ZBTB47: variants seen among roughly 807,000 people sequenced by gnomAD.
The protein encoded by ZBTB47 is zinc finger and BTB domain containing 47.
In ZBTB47, 24 loss-of-function variants were observed where a neutral mutation model predicts 56.6. The observed-to-expected ratio is 0.42, with a 90% confidence interval of 0.31 to 0.60. ZBTB47 has a LOEUF of 0.60. ZBTB47 is among the 20% of genes least tolerant of loss of function. The probability of loss-of-function intolerance (pLI) is 0.14; values close to 1 mark genes in which losing one functional copy is unlikely to be tolerated. For synonymous variants in ZBTB47, 414 were observed against 418.9 expected, an observed-to-expected ratio of 0.99 and a Z score of 0.14; for missense variants, 829 against 1,032.6, an observed-to-expected ratio of 0.80 and a Z score of 2.70.
rs1710776358 is a variant in ZBTB47, at chr3:42,665,322, A to C, written c.*724A>C. ...GCAGGCCCAGGGATCCCTGACCTGC[A>C]CCAGGTGGCACCAAGGGTCCTGAGT... On this transcript the variant is annotated 3_prime_UTR_variant, in exon 6 of 6. Coordinates refer to ENST00000232974, the MANE Select transcript of ZBTB47 (RefSeq NM_145166.4). 1.3e-5 allele frequency: 2 copies of C among 152,662 alleles called. No individual in the cohort carries two copies. The highest frequency in any genetic ancestry group is 1.5e-5 in the Non-Finnish European group (1 of 68,104). The allele number at this position is 152,662 out of a possible 1,614,324, so 9.5% of individuals were successfully genotyped here.
intron 3 of ZBTB47, 67 bp downstream of exon 3, chr3:42,661,699 G>C: frequency 6.3e-7 from 1 of 1,581,118 alleles, no homozygotes; most frequent in Non-Finnish European, 8.6e-7. Context: ...CTGGTGGATG[G>C]GAAAGACTTC....
At position 42,666,844 on chromosome 3, in the gene ZBTB47, T is replaced by C. The variant is rs1003892269; in HGVS notation, c.*2246T>C. Among the ~76,000 whole-genome samples, 1 of 152,204 alleles carries C rather than the reference T, an allele frequency of 6.6e-6. No individual in the cohort carries two copies. The highest frequency in any genetic ancestry group is 2.4e-5 in the African/African-American group (1 of 41,462). On this transcript the variant is annotated 3_prime_UTR_variant, in exon 6 of 6. Coordinates refer to ENST00000232974, the MANE Select transcript of ZBTB47 (RefSeq NM_145166.4). ...GGGTCCAGACAGCTGACCAGACAGC[T>C]TGACAGCTGGTCAAGACGGTCACGG...
rs13069486 is a variant in ZBTB47, at chr3:42,654,949, G to C, written c.-82+1066G>C. On this transcript the variant is annotated intron_variant, in intron 1 of 5. Transcript: ENST00000232974. This position sits in a 1 kb window ranked among gnomAD's most constrained non-coding sequence, Gnocchi z 5.0. ...TGAGGTCTTGCTAGGCACCGGCGAA[G>C]GGGGGCGCTCCCCTGCGCCCGGACG... is the stretch of plus-strand genomic sequence containing the variant. Among the ~76,000 whole-genome samples the C allele has an allele frequency of 2.6e-5, 4 of 152,088 alleles. No individual in the cohort carries two copies. The highest frequency in any genetic ancestry group is 6.5e-5 in the Admixed American group (1 of 15,280).
Position 42,663,999 on chromosome 3 carries a change from C to G in ZBTB47, c.1882+58C>G, listed in dbSNP as rs892087302. On this transcript the variant is annotated intron_variant, in intron 5 of 5. Coordinates refer to ENST00000232974, the MANE Select transcript of ZBTB47 (RefSeq NM_145166.4). The surrounding 1 kb of genome is among the most constrained non-coding windows in gnomAD (Gnocchi z 5.1). ...CGGGCCTGGGACCCCTTCTCAGCCC[C>G]GCTCAGGACACCTGGAATAATCTTG... 7.7e-6 allele frequency: 12 copies of G among 1,552,398 alleles called. No individual in the cohort carries two copies. The highest frequency in any genetic ancestry group is 3.5e-6 in the Non-Finnish European group (4 of 1,145,714).
Position 42,659,276 on chromosome 3 carries a change from G to T in ZBTB47, c.921G>T (p.Glu307Asp). The change falls in exon 2 of 6, where the codon GAG becomes GAT. Residue 307 changes from glutamate (E) to aspartate (D), a missense_variant. Coordinates refer to ENST00000232974, the MANE Select transcript of ZBTB47 (RefSeq NM_145166.4). ...GACGGGAGGAGGAGGAGGAGGAAGAGGGTGGCAGTCAGGGAGAAGAGGAAG... is the reference window on the plus strand; with the variant it reads ...GACGGGAGGAGGAGGAGGAGGAAGATGGTGGCAGTCAGGGAGAAGAGGAAG... Reference protein sequence around the residue: ...GSGREEEEEEEGGSQGEEEEE... With the variant: ...GSGREEEEEEDGGSQGEEEEE... The T allele has an allele frequency of 2.0e-6, 3 of 1,512,434 alleles. No homozygotes were observed. Among genetic ancestry groups the T allele is most frequent in the Non-Finnish European group, 2.7e-6 (3 of 1,126,802 alleles). The allele number at this position is 1,512,434 out of a possible 1,614,324, so 93.7% of individuals were successfully genotyped here. A position where few individuals can be genotyped will look rare whatever the true frequency, so the allele number is the denominator to read the frequency against.
rs1031611153 is a variant in ZBTB47 at position 42,663,641 on chromosome 3, A to G, written c.1738-156A>G. Among the ~76,000 whole-genome samples the G allele has an allele frequency of 2.6e-5, 4 of 151,660 alleles. No individual in the cohort carries two copies. The highest frequency in any genetic ancestry group is 4.4e-5 in the Non-Finnish European group (3 of 67,878). On this transcript the variant is annotated intron_variant, in intron 4 of 5. Transcript: ENST00000232974. This position sits in a 1 kb window ranked among gnomAD's most constrained non-coding sequence, Gnocchi z 5.1. ...TCTTGTGCCCATGTACTGCCCACCC[A>G]GATGCACCTCGGCTTGCCCTCATGT...
rs1377975481 is a variant in ZBTB47, at chr3:42,667,392, G to A, written c.*2794G>A. 6.6e-6 allele frequency among the ~76,000 whole-genome samples: 1 copy of A among 152,224 alleles called. No homozygotes were observed. The highest frequency in any genetic ancestry group is 6.5e-5 in the Admixed American group (1 of 15,288). On this transcript the variant is annotated 3_prime_UTR_variant, in exon 6 of 6. Coordinates refer to ENST00000232974, the MANE Select transcript of ZBTB47 (RefSeq NM_145166.4). ...CACAGTTCTGGGAGCCTTCAACCCT[G>A]GCTCATGCTGCCATAGTCTCCACGG...
At position 42,654,401 on chromosome 3, in the gene ZBTB47, G is replaced by T. The variant is rs1159014808; in HGVS notation, c.-82+518G>T. The T allele has an allele frequency of 6.6e-6, 1 of 151,418 alleles. No homozygotes were observed. The highest frequency in any genetic ancestry group is 1.5e-5 in the Non-Finnish European group (1 of 67,670). The allele number at this position is 151,418 out of a possible 1,614,324, so 9.4% of individuals were successfully genotyped here. On this transcript the variant is annotated intron_variant, in intron 1 of 5. Transcript: ENST00000232974. This position sits in a 1 kb window ranked among gnomAD's most constrained non-coding sequence, Gnocchi z 5.0. ...GTCCGCGCCCCCCGCCGGCACGCAGGCGGCCTGGCCCTTTAAGCGTCCAGA... is the reference window on the plus strand; with the variant it reads ...GTCCGCGCCCCCCGCCGGCACGCAGTCGGCCTGGCCCTTTAAGCGTCCAGA...
rs746031086 is a variant in ZBTB47, at chr3:42,659,204, CGAG to C, written c.864_866del (p.Glu294del). ...ACTCGGACGAGGAGGAGGAGGACGA[CGAG>C]GAGGAGGAGGAGGAAGAAGAGGAAG... is the stretch of plus-strand genomic sequence containing the variant. On this transcript the variant is annotated inframe_deletion, in exon 2 of 6. Coordinates refer to ENST00000232974, the MANE Select transcript of ZBTB47 (RefSeq NM_145166.4). 2.5e-4 allele frequency: 371 copies of C among 1,496,324 alleles called. 1 individual carries two copies. The highest frequency in any genetic ancestry group is 7.0e-4 in the East Asian group (28 of 40,116). The allele number at this position is 1,496,324 out of a possible 1,614,324, so 92.7% of individuals were successfully genotyped here. A position where few individuals can be genotyped will look rare whatever the true frequency, so the allele number is the denominator to read the frequency against.
Position 42,664,891 on chromosome 3 carries a change from T to G in ZBTB47, c.*293T>G, listed in dbSNP as rs1459484332. ...AGGAAAAAGAAACTATTTACAGCAC[T>G]CCCCTCCAGGTGAGGGGGGTGCTGG... On this transcript the variant is annotated 3_prime_UTR_variant, in exon 6 of 6. Coordinates refer to ENST00000232974, the MANE Select transcript of ZBTB47 (RefSeq NM_145166.4). 3 of 254,870 alleles carry G rather than the reference T, an allele frequency of 1.2e-5. No individual in the cohort carries two copies. Among genetic ancestry groups the G allele is most frequent in the Non-Finnish European group, 1.5e-5 (2 of 136,794 alleles). The allele number at this position is 254,870 out of a possible 1,614,324, so 15.8% of individuals were successfully genotyped here. A position where few individuals can be genotyped will look rare whatever the true frequency, so the allele number is the denominator to read the frequency against.
At position 42,658,708 on chromosome 3, in the gene ZBTB47, G is replaced by T. The variant is rs531628016; in HGVS notation, c.353G>T (p.Gly118Val). ...LLDARSLGPP[G>V]PGTVALAQPA... Reference sequence around the variant, plus strand: ...GACGCCCGCTCTCTAGGCCCACCAGGTCCGGGCACTGTGGCCCTGGCCCAG... The same window carrying T: ...GACGCCCGCTCTCTAGGCCCACCAGTTCCGGGCACTGTGGCCCTGGCCCAG... The change falls in exon 2 of 6, where the codon GGT becomes GTT. Residue 118 changes from glycine to valine, a missense_variant. Gly to Val is a moderately radical substitution (Grantham distance 109, BLOSUM62 -3). Transcript: ENST00000232974. 3.3e-6 allele frequency: 5 copies of T among 1,535,554 alleles called. No individual in the cohort carries two copies. The highest frequency in any genetic ancestry group is 3.5e-6 in the Non-Finnish European group (4 of 1,146,532).
Position 42,654,674 on chromosome 3 carries a change from C to T in ZBTB47, c.-82+791C>T. ...GCGCGATCCCGCGGGGCCCTGTGAG[C>T]CCCCAGCGCCACGGCACCATGGTAC... On this transcript the variant is annotated intron_variant, in intron 1 of 5. Transcript: ENST00000232974. The surrounding 1 kb of genome is among the most constrained non-coding windows in gnomAD (Gnocchi z 5.0). 1 of 984,784 alleles carries T rather than the reference C, an allele frequency of 1.0e-6. No individual in the cohort carries two copies. Among genetic ancestry groups the T allele is most frequent in the Non-Finnish European group, 1.2e-6 (1 of 829,622 alleles). 61.0% of individuals were successfully genotyped at this position (984,784 alleles called of 1,614,324 possible). A position where few individuals can be genotyped will look rare whatever the true frequency, so the allele number is the denominator to read the frequency against.
In ZBTB47 at chr3:42,659,137, C is replaced by T. The variant is rs951511200; in HGVS notation, c.782C>T (p.Pro261Leu). Residue 261 changes from proline (P) to leucine (L), a missense_variant, in exon 2 of 6, where the codon CCA (proline) becomes CTA (leucine). Transcript: ENST00000232974. Reference sequence around the variant, plus strand: ...GGGAAGCCAGGTGCCGGGCCAAGCCCAGCCACCGTGGTTCTGGGCCGGGAG... The same window carrying T: ...GGGAAGCCAGGTGCCGGGCCAAGCCTAGCCACCGTGGTTCTGGGCCGGGAG... The part of the protein sequence containing the change: ...PEGKPGAGPS[P>L]ATVVLGREDG... The T allele has an allele frequency of 9.3e-6, 14 of 1,504,108 alleles. No individual in the cohort carries two copies. Among genetic ancestry groups the T allele is most frequent in the African/African-American group, 6.9e-5 (5 of 72,108 alleles). The allele number at this position is 1,504,108 out of a possible 1,614,324, so 93.2% of individuals were successfully genotyped here. A position where few individuals can be genotyped will look rare whatever the true frequency, so the allele number is the denominator to read the frequency against.
chr3:42,654,089 G>C lies in ZBTB47; in HGVS notation c.-82+206G>C, dbSNP rs989929648. 1.3e-5 allele frequency: 2 copies of C among 152,246 alleles called. No individual in the cohort carries two copies. The highest frequency in any genetic ancestry group is 4.8e-5 in the African/African-American group (2 of 41,428). The allele number at this position is 152,246 out of a possible 1,614,324, so 9.4% of individuals were successfully genotyped here. A position where few individuals can be genotyped will look rare whatever the true frequency, so the allele number is the denominator to read the frequency against. On this transcript the variant is annotated intron_variant, in intron 1 of 5. Coordinates refer to ENST00000232974, the MANE Select transcript of ZBTB47 (RefSeq NM_145166.4). This position sits in a 1 kb window ranked among gnomAD's most constrained non-coding sequence, Gnocchi z 5.0. ...TCAGCGTGGGATCCCTCAGGGGAGC[G>C]GGTGGAAGCCTTTTCTGTTCGGATC...
At chr3:42,655,969 C>T (rs1213557051) in intron 1 of ZBTB47, among the ~76,000 whole-genome samples, 1 of 152,236 alleles carries the variant, frequency 6.6e-6, no homozygotes, top group African/African-American at 2.4e-5. Context: ...GTTGCCCTTT[C>T]CCTGTGGCAG....
chr3:42,664,031 C>T lies in ZBTB47; in HGVS notation c.1882+90C>T, dbSNP rs1710752958. On this transcript the variant is annotated intron_variant, in intron 5 of 5. Coordinates refer to ENST00000232974, the MANE Select transcript of ZBTB47 (RefSeq NM_145166.4). ...GACACCTGGAATAATCTTGGCCACA[C>T]CCCTTCTCAAGTCTGGGCCTCCGTT... 5 of 1,498,940 alleles carry T rather than the reference C, an allele frequency of 3.3e-6. No homozygotes were observed. The Admixed American group carries it at 1.0e-4, about 31-fold the overall frequency. The allele number at this position is 1,498,940 out of a possible 1,614,324, so 92.9% of individuals were successfully genotyped here.
rs1425695639 is a variant in ZBTB47 at position 42,665,073 on chromosome 3, G to A, written c.*475G>A. Reference sequence around the variant, plus strand: ...CCTAATTTGCTTCCTCATCTTGGAGGGTTTGGGGAGAAGTTGGCGTGCCAC... The same window carrying A: ...CCTAATTTGCTTCCTCATCTTGGAGAGTTTGGGGAGAAGTTGGCGTGCCAC... On this transcript the variant is annotated 3_prime_UTR_variant, in exon 6 of 6. Coordinates refer to ENST00000232974, the MANE Select transcript of ZBTB47 (RefSeq NM_145166.4). 2.6e-5 allele frequency: 4 copies of A among 153,372 alleles called. No individual in the cohort carries two copies. Among genetic ancestry groups the A allele is most frequent in the African/African-American group, 7.2e-5 (3 of 41,472 alleles). The allele number at this position is 153,372 out of a possible 1,614,324, so 9.5% of individuals were successfully genotyped here.
chr3:42,664,307 G>A lies in ZBTB47; in HGVS notation c.1953G>A (p.Arg651=). 6.2e-7 allele frequency: 1 copy of A among 1,613,306 alleles called. No homozygotes were observed. Among genetic ancestry groups the A allele is most frequent in the Non-Finnish European group, 8.5e-7 (1 of 1,179,794 alleles). The change falls in exon 6 of 6, where the codon CGG becomes CGA. Residue 651 remains arginine, a synonymous_variant. Coordinates refer to ENST00000232974, the MANE Select transcript of ZBTB47 (RefSeq NM_145166.4). ...GCCGGCCCAACATGAAGCGGCACCG[G>A]CGCACGCACACGGGCGAGAAGCCGT... is the stretch of plus-strand genomic sequence containing the variant. ...FTSRPNMKRH[R]RTHTGEKPYP...
chr3:42,662,252 G>A (rs1016573100), intron 3 of ZBTB47, among the ~76,000 whole-genome samples: 9 of 152,204 alleles, frequency 5.9e-5, no homozygotes, highest in Admixed American at 2.6e-4. Flanking sequence ...TGGGCCTTGA[G>A]GGGGAGGGGT....
Sources: allele counts gnomAD v4.1 joint callset (sites outside exome capture counted in the v4.1 genomes callset), GRCh38; gene constraint gnomAD v4.1.1; non-coding constraint Gnocchi (gnomAD v3.1); transcripts MANE v1.5; gene names NCBI Gene and HGNC (gene_info 2026-07-23, HGNC 2026-07-21).